AGAP3: variants seen among roughly 807,000 people sequenced by gnomAD.
AGAP3 encodes arf-GAP with GTPase, ANK repeat and PH domain-containing protein 3.
Under a neutral mutation model 96.9 loss-of-function variants are expected in AGAP3, and 24 were observed. That is an observed-to-expected ratio of 0.25 (90% CI 0.18 to 0.35). The LOEUF (loss-of-function observed/expected upper bound fraction) is 0.35. Ranked by LOEUF, AGAP3 falls within the 10% of genes least tolerant of loss-of-function variation. The pLI, the probability that AGAP3 is intolerant of heterozygous loss-of-function variation, is 1.00. For missense variants in AGAP3, 876 were observed against 1,254.2 expected (o/e 0.70, Z 4.55); for synonymous variants, 563 against 536.1 (o/e 1.05, Z -0.69).
chr7:151,128,243 T>C (rs987549938), intron 9 of AGAP3: 9 of 277,626 alleles, frequency 3.2e-5, no homozygotes, highest in South Asian at 5.2e-5. Context: ...TACCCCTGAC[T>C]GTCTACACCT....
chr7:151,140,270 T>C lies in AGAP3; in HGVS notation c.1804+154T>C. 4.5e-6 allele frequency: 4 copies of C among 893,350 alleles called. No homozygotes were observed. The highest frequency in any genetic ancestry group is 6.0e-6 in the Non-Finnish European group (4 of 667,732). 55.3% of individuals were successfully genotyped at this position (893,350 alleles called of 1,614,324 possible). ...ATCAAAGTAGTTCTACAGCTTCTTT[T>C]GGTAATCTAGACCTGGTATCTTAGA... is the stretch of plus-strand genomic sequence containing the variant. On this transcript the variant is annotated intron_variant, in intron 13 of 17. Transcript: ENST00000397238. The surrounding 1 kb of genome is among the most constrained non-coding windows in gnomAD (Gnocchi z 5.4).
chr7:151,134,429 G>A lies in AGAP3; in HGVS notation c.1356G>A (p.Glu452=), dbSNP rs745962371. 3.7e-6 allele frequency: 6 copies of A among 1,613,642 alleles called. 1 individual carries two copies. The South Asian group carries it at 6.6e-5, about 18-fold the overall frequency. ...ACATGCAGAACATCCACGGCAAGGA[G>A]ATTGACCTGCTGCGGACAACGGTGA... ...HDYMQNIHGK[E]IDLLRTTVKV... The change falls in exon 11 of 18, where the codon GAG becomes GAA. Residue 452 remains glutamate, a synonymous_variant. Coordinates refer to ENST00000397238, the MANE Select transcript of AGAP3 (RefSeq NM_031946.7).
At chr7:151,113,936 G>A (rs949227976) in intron 1 of AGAP3, among the ~76,000 whole-genome samples, 12 of 152,180 alleles carry the variant, frequency 7.9e-5, no homozygotes, top group African/African-American at 2.7e-4. Flanking sequence ...CTTGATCTCA[G>A]CCCATCATCC....
chr7:151,122,986 C>G, intron 8 of AGAP3: 1 of 1,421,528 alleles, frequency 7.0e-7, no homozygotes, highest in Non-Finnish European at 9.1e-7. Flanking sequence ...CTGCCGGGGA[C>G]CAGGCCCGGC....
chr7:151,123,190 G>A (rs949317249), intron 8 of AGAP3: 14 of 1,068,494 alleles, frequency 1.3e-5, no homozygotes, highest in Non-Finnish European at 1.5e-5. Context: ...CTCCTGCTCC[G>A]GAAGCCGCCG....
At chr7:151,105,797 C>CACAA (rs1205215874) in intron 1 of AGAP3, among the ~76,000 whole-genome samples, 1 of 113,546 alleles carries the variant, frequency 8.8e-6, no homozygotes, top group Non-Finnish European at 1.7e-5. Flanking sequence ...CGACACCACA[C>CACAA]ACACACACAC....
intron 9 of AGAP3, among the ~76,000 whole-genome samples, chr7:151,125,412 C>T (rs796977333): frequency 3.0e-4 from 45 of 152,294 alleles, no homozygotes; most frequent in African/African-American, 1.0e-3. Flanking sequence ...CTGGTCCAGT[C>T]TTAGAGTTAG....
chr7:151,115,312 G>A (rs1203487894), intron 1 of AGAP3: 3 of 1,007,426 alleles, frequency 3.0e-6, no homozygotes, highest in Non-Finnish European at 3.5e-6. Flanking sequence ...GGGCCCCGGC[G>A]CGGCCTGGCG....
At chr7:151,117,340 A>C (rs927230619) in intron 3 of AGAP3, 31 bp from the exon 4 acceptor site, 1 of 1,613,218 alleles carries the variant, frequency 6.2e-7, no homozygotes, top group African/African-American at 1.3e-5. Context: ...CTTTCTCCAC[A>C]CTTTGGACCT....
At position 151,123,900 on chromosome 7, in the gene AGAP3, T is replaced by C; in HGVS notation, c.1221+14T>C. On this transcript the variant is annotated intron_variant, in intron 9 of 17. Transcript: ENST00000397238. ...CCCATCAAGCAGGTCAGCGCCTCCCTTCCCGTGTGCTCCAGGGCTCAGAAT... is the reference window on the plus strand; with the variant it reads ...CCCATCAAGCAGGTCAGCGCCTCCCCTCCCGTGTGCTCCAGGGCTCAGAAT... 1.2e-6 allele frequency: 2 copies of C among 1,601,724 alleles called. No individual in the cohort carries two copies. Among genetic ancestry groups the C allele is most frequent in the Non-Finnish European group, 1.7e-6 (2 of 1,178,686 alleles).
intron 8 of AGAP3, among the ~76,000 whole-genome samples, chr7:151,121,462 C>T (rs2150486337): frequency 6.6e-6 from 1 of 152,312 alleles, no homozygotes; most frequent in East Asian, 1.9e-4. Flanking sequence ...CATCGTGCCT[C>T]AGTCATCCGC....
Position 151,139,540 on chromosome 7 carries a change from CG to C in AGAP3, c.1667-437del, listed in dbSNP as rs1186384435. 2 of 153,604 alleles carry C rather than the reference CG, an allele frequency of 1.3e-5. No homozygotes were observed. Among genetic ancestry groups the C allele is most frequent in the Non-Finnish European group, 2.9e-5 (2 of 69,026 alleles). 9.5% of individuals were successfully genotyped at this position (153,604 alleles called of 1,614,324 possible). ...TGAGCGCCGGGCGGGGTGTGGGAGACGGAGCTTGATTAGCGCGCTCTAATTG... is the reference window on the plus strand; with the variant it reads ...TGAGCGCCGGGCGGGGTGTGGGAGACGAGCTTGATTAGCGCGCTCTAATTG... On this transcript the variant is annotated intron_variant, in intron 12 of 17. Transcript: ENST00000397238. The surrounding 1 kb of genome is among the most constrained non-coding windows in gnomAD (Gnocchi z 4.9).
chr7:151,117,320 C>T lies in AGAP3; in HGVS notation c.479-51C>T, dbSNP rs770001050. The T allele has an allele frequency of 2.7e-5, 43 of 1,608,962 alleles. No homozygotes were observed. In the Admixed American group the frequency reaches 6.3e-4, roughly 24 times the overall value. ...TGGGAAGCTGTAGATTTCTTCTTGGCCCCTGGATTCTTTCTCCACACTTTG... is the reference window on the plus strand; with the variant it reads ...TGGGAAGCTGTAGATTTCTTCTTGGTCCCTGGATTCTTTCTCCACACTTTG... On this transcript the variant is annotated intron_variant, in intron 3 of 17. Transcript: ENST00000397238.
In AGAP3 at chr7:151,122,311, G is replaced by A. The variant is rs372889066; in HGVS notation, c.1129-1483G>A. ...TTGCTCTCCGGCGGCTCTTTTGCCC[G>A]GTTCTCCTTGTTCCCTCTGGCCTTG... On this transcript the variant is annotated intron_variant, in intron 8 of 17. Transcript: ENST00000397238. 4.3e-3 allele frequency among the ~76,000 whole-genome samples: 661 copies of A among 152,286 alleles called. 27 individuals carry two copies. In the South Asian group the frequency reaches 0.087, roughly 20 times the overall value.
rs1232872092 is a variant in AGAP3, at chr7:151,114,430, A to C, written c.332-2363A>C. 1.3e-5 allele frequency among the ~76,000 whole-genome samples: 2 copies of C among 152,214 alleles called. No homozygotes were observed. Among genetic ancestry groups the C allele is most frequent in the African/African-American group, 4.8e-5 (2 of 41,458 alleles). On this transcript the variant is annotated intron_variant, in intron 1 of 17. Transcript: ENST00000397238. The surrounding 1 kb of genome is among the most constrained non-coding windows in gnomAD (Gnocchi z 4.4). ...ATTTAGTTGGCCTGCTCGTAATGAC[A>C]GCTCCTCACCTACCTGCCGGATCCT... is the stretch of plus-strand genomic sequence containing the variant.
At chr7:151,127,683 GT>G (rs1412059555) in intron 9 of AGAP3, among the ~76,000 whole-genome samples, 3 of 152,168 alleles carry the variant, frequency 2.0e-5, no homozygotes, top group African/African-American at 7.2e-5. Context: ...TGTGTGTGTT[GT>G]TTAAGGGAGA....
chr7:151,125,596 C>T (rs915361721), intron 9 of AGAP3, among the ~76,000 whole-genome samples: 3 of 152,176 alleles, frequency 2.0e-5, no homozygotes, highest in African/African-American at 7.2e-5. Flanking sequence ...AACGATCGCT[C>T]GCTAGGGGCG....
chr7:151,119,770 C>T (rs1585079411), intron 7 of AGAP3, among the ~76,000 whole-genome samples: 1 of 152,212 alleles, frequency 6.6e-6, no homozygotes, highest in Non-Finnish European at 1.5e-5. Flanking sequence ...CGAGGGTTTG[C>T]TGCCCTAGTG....
Position 151,140,296 on chromosome 7 carries a change from A to G in AGAP3, c.1804+180A>G, listed in dbSNP as rs1800770011. The G allele has an allele frequency of 1.5e-6, 1 of 666,316 alleles. No homozygotes were observed. Among genetic ancestry groups the G allele is most frequent in the Admixed American group, 4.4e-5 (1 of 22,826 alleles). 41.3% of individuals were successfully genotyped at this position (666,316 alleles called of 1,614,324 possible). A position where few individuals can be genotyped will look rare whatever the true frequency, so the allele number is the denominator to read the frequency against. On this transcript the variant is annotated intron_variant, in intron 13 of 17. Transcript: ENST00000397238. The surrounding 1 kb of genome is among the most constrained non-coding windows in gnomAD (Gnocchi z 5.4). ...GGTAATCTAGACCTGGTATCTTAGA[A>G]AAGTTCTTCTGATAACTGAAACCCT...
Sources: gnomAD v4.1 joint callset for allele counts (sites outside exome capture counted in the v4.1 genomes callset) on GRCh38, gnomAD v4.1.1 for gene constraint, Gnocchi (gnomAD v3.1) non-coding constraint, MANE v1.5 for transcripts, NCBI Gene and HGNC (gene_info 2026-07-23, HGNC 2026-07-21) for gene names.